The following FOXP2 variants were observed in gnomAD, a reference collection of about 807,000 sequenced individuals.
FOXP2 encodes forkhead box P2.
FOXP2 carries 12 observed loss-of-function variants against 115.8 expected under a neutral mutation model. That is an observed-to-expected ratio of 0.10 (90% CI 0.07 to 0.17). The LOEUF (loss-of-function observed/expected upper bound fraction) is 0.17. Among genes scored for constraint, FOXP2 ranks in the 10% least tolerant of loss-of-function variants. FOXP2 has a pLI of 1.00. For synonymous variants in FOXP2, 328 were observed against 297.7 expected (o/e 1.10, Z -1.05); for missense variants, 629 against 843.5 (o/e 0.75, Z 3.15).
Position 114,181,277 on chromosome 7 carries a change from A to AATATATAT in FOXP2, c.-102+18199_-102+18206dup, listed in dbSNP as rs143721093. 2.1e-5 allele frequency among the ~76,000 whole-genome samples: 3 copies of AATATATAT among 146,128 alleles called. No individual in the cohort carries two copies. In the South Asian group the frequency reaches 6.4e-4, roughly 31 times the overall value. On this transcript the variant is annotated intron_variant, in intron 1 of 17. Transcript: ENST00000634411. Reference sequence around the variant, plus strand: ...TTAATGGATTTTATCCTAATAAATTAATATATATATATATATAAAATGAAG... The same window carrying AATATATAT: ...TTAATGGATTTTATCCTAATAAATTAATATATATATATATATATATATATAAAATGAAG...
chr7:114,676,075 ATTTTTTTT>A (rs11327459), intron 16 of FOXP2, among the ~76,000 whole-genome samples: 30 of 89,564 alleles, frequency 3.3e-4, no homozygotes, highest in East Asian at 8.0e-4. Flanking sequence ...AGGCCCGGCT[ATTTTTTTT>A]TTTTTTTTTT....
In FOXP2 at chr7:114,271,090, T is replaced by C. The variant is rs150131399; in HGVS notation, c.-101-16929T>C. On this transcript the variant is annotated intron_variant, in intron 1 of 17. Coordinates refer to the FOXP2 transcript ENST00000634411. The stretch of plus-strand genomic sequence containing the variant: ...AAATTGACATAATTATGTAGGTCTA[T>C]TTCTAGGCTATCTATTTTGTTCCAT... Among the ~76,000 whole-genome samples, 55 of 152,110 alleles carry C rather than the reference T, an allele frequency of 3.6e-4. 1 individual carries two copies. The East Asian group carries it at 0.01, about 29-fold the overall frequency.
chr7:114,219,742 G>T (rs1049814322), intron 1 of FOXP2, among the ~76,000 whole-genome samples: 2 of 151,382 alleles, frequency 1.3e-5, no homozygotes, highest in Admixed American at 6.6e-5. Flanking sequence ...AATAATTTTC[G>T]CCTTTAATCC....
Position 114,415,279 on chromosome 7 carries a change from T to G in FOXP2, c.-92T>G, listed in dbSNP as rs1206225263. On this transcript the variant is annotated 5_prime_UTR_variant, in exon 1 of 17. Transcript: ENST00000350908. ...ATACTGTTTTCTGTGCTGGCTTTTT[T>G]GAATCTTCCTAATTTTTCATCTCTT... is the stretch of plus-strand genomic sequence containing the variant. 2.2e-6 allele frequency: 1 copy of G among 453,728 alleles called. No homozygotes were observed. Among genetic ancestry groups the G allele is most frequent in the East Asian group, 7.0e-5 (1 of 14,374 alleles). The allele number at this position is 453,728 out of a possible 1,614,324, so 28.1% of individuals were successfully genotyped here.
intron 3 of FOXP2, chr7:114,538,464 T>TAA: frequency 1.3e-6 from 1 of 754,836 alleles, no homozygotes; most frequent in Non-Finnish European, 1.9e-6. Flanking sequence ...GGTTAATATA[T>TAA]AATATAAAGT....
At position 114,145,431 on chromosome 7, in the gene FOXP2, T is replaced by TTTTTCCCTTTTC. The variant is rs1191856382; in HGVS notation, c.-246-17508_-246-17507insCCTTTTCTTTTC. Among the ~76,000 whole-genome samples, 37 of 100,496 alleles carry TTTTTCCCTTTTC rather than the reference T, an allele frequency of 3.7e-4. 1 individual carries two copies. The highest frequency in any genetic ancestry group is 7.5e-4 in the Non-Finnish European group (35 of 46,490). 65.9% of individuals were successfully genotyped at this position (100,496 alleles called of 152,430 possible). A position where few individuals can be genotyped will look rare whatever the true frequency, so the allele number is the denominator to read the frequency against. ...TATTTTAAAATAGTAGCTTTGCCAT[T>TTTTTCCCTTTTC]TTTTCTTTTCTTTTCTTTTCTTTTC... On this transcript the variant is annotated intron_variant, in intron 1 of 19. Transcript: ENST00000635638.
chr7:114,371,124 G>C (rs1029979721), intron 2 of FOXP2, among the ~76,000 whole-genome samples: 5 of 151,940 alleles, frequency 3.3e-5, no homozygotes, highest in Admixed American at 2.6e-4. Flanking sequence ...TTGAGATAAG[G>C]CCTCTTTTGG....
intron 16 of FOXP2, among the ~76,000 whole-genome samples, chr7:114,675,341 G>A (rs1292598887): frequency 6.6e-6 from 1 of 151,558 alleles, no homozygotes; most frequent in Non-Finnish European, 1.5e-5. Context: ...TTTTTTGTAT[G>A]TTCTGTTTGA....
rs971242520 is a variant in FOXP2 at position 114,574,243 on chromosome 7, T to C, written c.258+39537T>C. On this transcript the variant is annotated intron_variant, in intron 3 of 16. Transcript: ENST00000350908. ...GGCTCCTTCGATTGTATATTCACTA[T>C]TCTAAGAGTAACAATATAATGTCCT... 2.0e-5 allele frequency among the ~76,000 whole-genome samples: 3 copies of C among 151,836 alleles called. No homozygotes were observed. The East Asian group carries it at 5.8e-4, about 29-fold the overall frequency.
intron 1 of FOXP2, among the ~76,000 whole-genome samples, chr7:114,423,874 A>G (rs1793724323): frequency 6.6e-6 from 1 of 151,464 alleles, no homozygotes; most frequent in Non-Finnish European, 1.5e-5. Flanking sequence ...TTTTTAAGTG[A>G]AATGTACAGT....
chr7:114,468,607 T>A (rs536001529), intron 2 of FOXP2, among the ~76,000 whole-genome samples: 1 of 152,076 alleles, frequency 6.6e-6, no homozygotes, highest in Non-Finnish European at 1.5e-5. Context: ...ATCCCCTACC[T>A]GGAACAACTC....
intron 2 of FOXP2, among the ~76,000 whole-genome samples, chr7:114,529,153 A>T (rs1799018356): frequency 6.6e-6 from 1 of 151,880 alleles, no homozygotes; most frequent in African/African-American, 2.4e-5. Context: ...TAGAATGCTG[A>T]CTCTGAGGAA....
At chr7:114,636,253 T>C (rs760767782) in intron 6 of FOXP2, among the ~76,000 whole-genome samples, 1 of 152,190 alleles carries the variant, frequency 6.6e-6, no homozygotes, top group African/African-American at 2.4e-5. Context: ...AAGTTTACTT[T>C]TGTAATATAT....
At chr7:114,165,236 C>A (rs903019685) in intron 1 of FOXP2, among the ~76,000 whole-genome samples, 3 of 152,120 alleles carry the variant, frequency 2.0e-5, no homozygotes, top group Admixed American at 2.0e-4. Flanking sequence ...AACGAGGTTC[C>A]TTCTCACCTC....
chr7:114,564,473 A>G (rs1396918836), intron 3 of FOXP2, among the ~76,000 whole-genome samples: 3 of 152,302 alleles, frequency 2.0e-5, no homozygotes, highest in Admixed American at 1.3e-4. Context: ...TTGAAACTCA[A>G]CATATTCATA....
intron 2 of FOXP2, among the ~76,000 whole-genome samples, chr7:114,363,584 G>C (rs1791804101): frequency 6.6e-6 from 1 of 152,084 alleles, no homozygotes; most frequent in African/African-American, 2.4e-5. Context: ...CAGAGATATA[G>C]AACCAAGAGG....
intron 2 of FOXP2, among the ~76,000 whole-genome samples, chr7:114,355,116 G>A (rs1791589655): frequency 1.3e-5 from 2 of 152,020 alleles, no homozygotes; most frequent in Non-Finnish European, 2.9e-5. Context: ...TTTTGTCATG[G>A]TCATCAGATG....
In FOXP2 at chr7:114,528,563, A is replaced by G. The variant is rs1350872791; in HGVS notation, c.169-6054A>G. Among the ~76,000 whole-genome samples the G allele has an allele frequency of 2.0e-5, 3 of 152,056 alleles. No individual in the cohort carries two copies. The East Asian group carries it at 5.8e-4, about 29-fold the overall frequency. On this transcript the variant is annotated intron_variant, in intron 2 of 16. Transcript: ENST00000350908. Reference sequence around the variant, plus strand: ...ATTTTATTCTTCCAAATATTTTCCCAAATGCTACTTCTCCTACAGTCTTAC... The same window carrying G: ...ATTTTATTCTTCCAAATATTTTCCCGAATGCTACTTCTCCTACAGTCTTAC...
chr7:114,230,216 G>C (rs1164612534), intron 1 of FOXP2, among the ~76,000 whole-genome samples: 1 of 151,844 alleles, frequency 6.6e-6, no homozygotes, highest in Non-Finnish European at 1.5e-5. Context: ...TAACTAGTAA[G>C]GAGATTGAAT....
Sources: allele counts gnomAD v4.1 joint callset (sites outside exome capture counted in the v4.1 genomes callset), GRCh38; gene constraint gnomAD v4.1.1; transcripts MANE v1.5; gene names NCBI Gene and HGNC (gene_info 2026-07-23, HGNC 2026-07-21).